IFT88: variants seen among roughly 807,000 people sequenced by gnomAD.
The protein encoded by IFT88 is intraflagellar transport 88, also known as intraflagellar transport protein 88 homolog.
A neutral mutation model predicts 119.5 loss-of-function variants in IFT88; 74 were observed. The ratio of observed to expected loss-of-function variants is 0.62; its 90% CI spans 0.51 to 0.75. The LOEUF (loss-of-function observed/expected upper bound fraction) is 0.75, where lower values mean the gene tolerates loss of function less well. Among genes scored for constraint, IFT88 ranks in the 30% least tolerant of loss-of-function variants. IFT88 has a pLI of 0.00. For missense variants in IFT88, 961 were observed against 977.7 expected, an observed-to-expected ratio of 0.98 and a Z score of 0.23; for synonymous variants, 279 against 316.7, an observed-to-expected ratio of 0.88 and a Z score of 1.26.
chr13:20,635,066 G>T (rs977376846), intron 16 of IFT88, among the ~76,000 whole-genome samples: 1 of 149,964 alleles, frequency 6.7e-6, no homozygotes, highest in Non-Finnish European at 1.5e-5. Context: ...TTTTTGTCCT[G>T]GCAATAGTTT....
At chr13:20,570,929 A>G (rs2036229077) in intron 1 of IFT88, among the ~76,000 whole-genome samples, 2 of 152,188 alleles carry the variant, frequency 1.3e-5, no homozygotes, top group African/African-American at 4.8e-5. Context: ...GAGAAGCCAC[A>G]TATATGTGGT....
At chr13:20,574,001 T>A (rs1048352440) in intron 1 of IFT88, among the ~76,000 whole-genome samples, 2 of 152,220 alleles carry the variant, frequency 1.3e-5, no homozygotes, top group Non-Finnish European at 2.9e-5. Context: ...TGACCACAAA[T>A]GTCATTAAAT....
At chr13:20,568,145 C>A in intron 1 of IFT88, 1 of 528,942 alleles carries the variant, frequency 1.9e-6, no homozygotes, top group Non-Finnish European at 3.4e-6. Context: ...TGTCCATAGT[C>A]AGTAGAAGAG....
At chr13:20,577,116 T>C (rs2037539768) in intron 2 of IFT88, among the ~76,000 whole-genome samples, 1 of 152,232 alleles carries the variant, frequency 6.6e-6, no homozygotes, top group Admixed American at 6.5e-5. Context: ...TTTAATTTTA[T>C]TCGTAGATAT....
chr13:20,665,532 T>C (rs1040945184), intron 23 of IFT88, among the ~76,000 whole-genome samples: 2 of 152,234 alleles, frequency 1.3e-5, no homozygotes, highest in African/African-American at 2.4e-5. Flanking sequence ...TTATATATTA[T>C]TGACAAAAGT....
chr13:20,639,547 G>A (rs1026728285), intron 17 of IFT88, among the ~76,000 whole-genome samples: 15 of 152,194 alleles, frequency 9.9e-5, no homozygotes, highest in Middle Eastern at 3.2e-3. Flanking sequence ...GAGCCTCATT[G>A]AGAATGTATG....
chr13:20,670,960 C>G lies in IFT88; in HGVS notation c.2176-13C>G. 1.2e-6 allele frequency: 2 copies of G among 1,610,748 alleles called. No individual in the cohort carries two copies. The highest frequency in any genetic ancestry group is 1.7e-6 in the Non-Finnish European group (2 of 1,178,482). On this transcript the variant is annotated splice_polypyrimidine_tract_variant and intron_variant, in intron 23 of 25. Transcript: ENST00000351808. ...GCACTTATTCTTTTAAACTTGTCTT[C>G]TCTTTGCTCTAGCGCATAAAGTCAG...
At chr13:20,602,670 G>A (rs2042806950) in intron 12 of IFT88, among the ~76,000 whole-genome samples, 1 of 152,086 alleles carries the variant, frequency 6.6e-6, no homozygotes. Context: ...AGATTGCGAG[G>A]TCAGTAGTTT....
chr13:20,647,073 C>G (rs111845623), intron 20 of IFT88, among the ~76,000 whole-genome samples: 119 of 152,246 alleles, frequency 7.8e-4, no homozygotes, highest in African/African-American at 2.8e-3. Flanking sequence ...TCTCTGATCT[C>G]TTCAATTCCC....
intron 8 of IFT88, among the ~76,000 whole-genome samples, 185 bp from the exon 9 acceptor site, chr13:20,596,830 T>C (rs549464971): frequency 2.0e-5 from 3 of 152,324 alleles, no homozygotes; most frequent in African/African-American, 7.2e-5. Flanking sequence ...ACTGGGGCTT[T>C]TTTTGTCATT....
chr13:20,595,161 G>C (rs935374796), intron 7 of IFT88, among the ~76,000 whole-genome samples: 4 of 152,192 alleles, frequency 2.6e-5, no homozygotes, highest in African/African-American at 9.7e-5. Flanking sequence ...CTACTCAGGA[G>C]GCTGAGGCAG....
rs1226023412 is a variant in IFT88, at chr13:20,596,240, G to T, written c.489G>T (p.Leu163Phe). The T allele has an allele frequency of 7.0e-7, 1 of 1,427,074 alleles. No homozygotes were observed. Among genetic ancestry groups the T allele is most frequent in the South Asian group, 1.3e-5 (1 of 77,802 alleles). The allele number at this position is 1,427,074 out of a possible 1,614,324, so 88.4% of individuals were successfully genotyped here. ...CIANSCGDLK[L>F]ALEKAKDAGR... ...CCAATAGTTGTGGAGACTTAAAATT[G>T]GTAAGTTCATAAACAAGATTCAAAA... is the stretch of plus-strand genomic sequence containing the variant. Residue 163 changes from leucine to phenylalanine, a missense_variant and splice_region_variant, in exon 8 of 26, where the codon TTG becomes TTT. Coordinates refer to ENST00000351808, the MANE Select transcript of IFT88 (RefSeq NM_006531.5).
intron 12 of IFT88, 21 bp downstream of exon 12, chr13:20,601,954 T>C: frequency 7.5e-7 from 1 of 1,337,624 alleles, no homozygotes; most frequent in Non-Finnish European, 1.1e-6. Context: ...AAAAGACATT[T>C]CTGTAGCCAC....
intron 7 of IFT88, among the ~76,000 whole-genome samples, chr13:20,594,900 G>A (rs566571761): frequency 6.6e-6 from 1 of 152,124 alleles, no homozygotes; most frequent in African/African-American, 2.4e-5. Context: ...CATTTGTAGA[G>A]AATTAAGAGA....
At chr13:20,604,884 A>G (rs932481568) in intron 12 of IFT88, 151 bp from the exon 13 acceptor site, 1 of 392,382 alleles carries the variant, frequency 2.5e-6, no homozygotes, top group Non-Finnish European at 4.7e-6. Flanking sequence ...GAGCCCAGGG[A>G]GGTGGAGGCT....
At position 20,574,473 on chromosome 13, in the gene IFT88, G is replaced by A. The variant is rs754431917; in HGVS notation, c.88G>A (p.Glu30Lys). 1.8e-5 allele frequency: 29 copies of A among 1,571,930 alleles called. No individual in the cohort carries two copies. Among genetic ancestry groups the A allele is most frequent in the Non-Finnish European group, 2.4e-5 (27 of 1,145,668 alleles). Residue 30 changes from glutamate (E) to lysine (K), a missense_variant and splice_region_variant, in exon 2 of 26, where the codon GAG becomes AAG. Glu to Lys is a moderately conservative substitution (Grantham distance 56). Transcript: ENST00000351808. ...YNDYNPIYDI[E>K]ELENDAAFQQ... ...TGACTACAATCCAATCTATGATATC[G>A]AGGTAACAAAAGCTAGTTGTTTTTT...
chr13:20,603,739 A>G (rs1166041214), intron 12 of IFT88, among the ~76,000 whole-genome samples: 1 of 152,090 alleles, frequency 6.6e-6, no homozygotes, highest in Non-Finnish European at 1.5e-5. Context: ...CTACAAAAAA[A>G]TACGAAAATT....
At chr13:20,615,682 G>T (rs2045490327) in intron 13 of IFT88, 111 bp from the exon 14 acceptor site, 4 of 548,840 alleles carry the variant, frequency 7.3e-6, no homozygotes, top group South Asian at 5.8e-5. Flanking sequence ...TGTTTAGTAG[G>T]CTTTTGTGGT....
chr13:20,633,173 A>G (rs562993650), intron 16 of IFT88, among the ~76,000 whole-genome samples: 4 of 152,326 alleles, frequency 2.6e-5, no homozygotes, highest in African/African-American at 9.6e-5. Context: ...CCGTTCTCAC[A>G]CTGCTATAAA....
Sources: allele counts gnomAD v4.1 joint callset (sites outside exome capture counted in the v4.1 genomes callset), GRCh38; gene constraint gnomAD v4.1.1; transcripts MANE v1.5; gene names NCBI Gene and HGNC (gene_info 2026-07-23, HGNC 2026-07-21).